The following AKAP8L variants were observed in gnomAD, a reference collection of about 807,000 sequenced individuals.
AKAP8L encodes the protein A-kinase anchor protein 8-like.
Under a neutral mutation model 77.5 loss-of-function variants are expected in AKAP8L, and 34 were observed. The observed-to-expected ratio is 0.44, with a 90% CI of 0.33 to 0.58. The LOEUF (loss-of-function observed/expected upper bound fraction) is 0.58. Among genes scored for constraint, AKAP8L ranks in the 20% least tolerant of loss-of-function variants. The probability of loss-of-function intolerance (pLI) is 0.02; values close to 1 mark genes in which losing one functional copy is unlikely to be tolerated. For missense variants in AKAP8L, 806 were observed against 887.6 expected (o/e 0.91, Z 1.17); for synonymous variants, 342 against 340.7 (o/e 1.00, Z -0.04).
At chr19:15,415,092 A>G (rs1003877368) in intron 1 of AKAP8L, among the ~76,000 whole-genome samples, 1 of 152,214 alleles carries the variant, frequency 6.6e-6, no homozygotes, top group Non-Finnish European at 1.5e-5. Flanking sequence ...GTTCTGCAGC[A>G]ACACTCCTTG....
At chr19:15,390,907 C>T (rs117482927) in intron 12 of AKAP8L, among the ~76,000 whole-genome samples, 1,780 of 152,258 alleles carry the variant, frequency 0.012, 19 homozygotes, top group Non-Finnish European at 0.016. Context: ...TAGAAGGGAA[C>T]GTCTTCAACT....
chr19:15,414,821 CAG>C (rs775778057), intron 1 of AKAP8L, among the ~76,000 whole-genome samples: 9 of 152,248 alleles, frequency 5.9e-5, no homozygotes, highest in East Asian at 1.9e-4. Context: ...TTATTAGAGA[CAG>C]GGGGTCTCAC....
In AKAP8L at chr19:15,401,057, G is replaced by C. The variant is rs370735649; in HGVS notation, c.817-14C>G. On this transcript the variant is annotated splice_polypyrimidine_tract_variant and intron_variant, in intron 5 of 13. Transcript: ENST00000397410. This position sits in a 1 kb window ranked among gnomAD's most constrained non-coding sequence, Gnocchi z 6.2. ...CTTCTTCTTGGTCTGGGTCATAAGG[G>C]GGGGAAGCCGTGTCAGGGTGCATGG... 5.5e-5 allele frequency: 88 copies of C among 1,611,288 alleles called. No individual in the cohort carries two copies. The highest frequency in any genetic ancestry group is 5.3e-4 in the East Asian group (24 of 44,864).
chr19:15,390,472 A>G (rs1385174634), intron 12 of AKAP8L, among the ~76,000 whole-genome samples: 1 of 151,950 alleles, frequency 6.6e-6, no homozygotes, highest in African/African-American at 2.4e-5. Context: ...AGATGGCTTC[A>G]TAAGCAAATT....
At position 15,397,922 on chromosome 19, in the gene AKAP8L, C is replaced by T; in HGVS notation, c.1158-67G>A. ...CCAGGGGATAGTGCTGCCGCCTCAC[C>T]CAACCCAGACACAAGCCCTGAAACA... On this transcript the variant is annotated intron_variant, in intron 9 of 13. Transcript: ENST00000397410. The surrounding 1 kb of genome is among the most constrained non-coding windows in gnomAD (Gnocchi z 4.7). The T allele has an allele frequency of 6.4e-7, 1 of 1,561,774 alleles. No homozygotes were observed. Among genetic ancestry groups the T allele is most frequent in the Admixed American group, 1.9e-5 (1 of 52,798 alleles).
chr19:15,415,968 C>G (rs1329175476), intron 1 of AKAP8L, among the ~76,000 whole-genome samples: 1 of 151,804 alleles, frequency 6.6e-6, no homozygotes, highest in Non-Finnish European at 1.5e-5. Context: ...CTCACTGCAG[C>G]CTCAACCTCG....
chr19:15,380,812 C>T, intron 12 of AKAP8L, 200 bp from the exon 13 acceptor site: 1 of 596,066 alleles, frequency 1.7e-6, no homozygotes. Flanking sequence ...CCACACCACA[C>T]TTACTGTAGG....
intron 12 of AKAP8L, 66 bp from the exon 13 acceptor site, chr19:15,380,678 C>T (rs1319134326): frequency 1.3e-6 from 2 of 1,530,882 alleles, no homozygotes; most frequent in African/African-American, 2.7e-5. Context: ...TGCCCCGACC[C>T]TGCCAGCTTA....
At chr19:15,411,995 G>C (rs1968114097) in intron 1 of AKAP8L, among the ~76,000 whole-genome samples, 1 of 152,296 alleles carries the variant, frequency 6.6e-6, no homozygotes, top group East Asian at 1.9e-4. Context: ...GGATCACGAG[G>C]TTAGGAGTTC....
intron 12 of AKAP8L, among the ~76,000 whole-genome samples, chr19:15,391,580 C>G (rs1261276806): frequency 1.9e-5 from 1 of 53,258 alleles, no homozygotes; most frequent in African/African-American, 8.9e-5. Context: ...CGCTGTGTCT[C>G]CCAGGCACAG....
intron 1 of AKAP8L, among the ~76,000 whole-genome samples, chr19:15,416,701 G>A (rs151335171): frequency 1.3e-5 from 2 of 152,202 alleles, no homozygotes; most frequent in African/African-American, 2.4e-5. Context: ...TAGCATTTCA[G>A]ACCTTTGTTT....
In AKAP8L at chr19:15,397,605, G is replaced by A. The variant is rs1028832101; in HGVS notation, c.1320C>T (p.Thr440=). 1.1e-5 allele frequency: 18 copies of A among 1,613,766 alleles called. No individual in the cohort carries two copies. Among genetic ancestry groups the A allele is most frequent in the Non-Finnish European group, 1.4e-5 (16 of 1,179,880 alleles). The change falls in exon 11 of 14, where the codon ACC becomes ACT. Residue 440 remains threonine (T), a synonymous_variant. Coordinates refer to ENST00000397410, the MANE Select transcript of AKAP8L (RefSeq NM_014371.4). The surrounding 1 kb of genome is among the most constrained non-coding windows in gnomAD (Gnocchi z 4.7). ...TTTTTCGGAGCTCCTCTGTCTTCTT[G>A]GTCTTGTTAGTGACGTACTCCTGCA... ...DFLQEYVTNK[T]KKTEELRKTV...
At position 15,401,370 on chromosome 19, in the gene AKAP8L, C is replaced by T. The variant is rs1223522757; in HGVS notation, c.596G>A (p.Arg199His). The T allele has an allele frequency of 3.1e-6, 5 of 1,613,108 alleles. No individual in the cohort carries two copies. Among genetic ancestry groups the T allele is most frequent in the East Asian group, 2.2e-5 (1 of 44,882 alleles). The change falls in exon 5 of 14, where the codon CGC becomes CAC. Residue 199 changes from arginine (R) to histidine (H), a missense_variant. Coordinates refer to ENST00000397410, the MANE Select transcript of AKAP8L (RefSeq NM_014371.4). The surrounding 1 kb of genome is among the most constrained non-coding windows in gnomAD (Gnocchi z 6.2). ...SGRPMASGYG[R>H]MWEDPMGARG... ...GGCCCCCATGGGGTCTTCCCACATG[C>T]GCCCATAGCCTGAGGCCATTGGCCG...
At position 15,397,003 on chromosome 19, in the gene AKAP8L, T is replaced by C; in HGVS notation, c.1536+147A>G. ...CCCCTCTCTCTGTAGCTGTGCTGCC[T>C]GCACTGAGCTGGAAATGTCCATATC... On this transcript the variant is annotated intron_variant, in intron 12 of 13. Coordinates refer to ENST00000397410, the MANE Select transcript of AKAP8L (RefSeq NM_014371.4). This position sits in a 1 kb window ranked among gnomAD's most constrained non-coding sequence, Gnocchi z 4.7. 2.7e-6 allele frequency: 3 copies of C among 1,116,570 alleles called. No individual in the cohort carries two copies. Among genetic ancestry groups the C allele is most frequent in the Non-Finnish European group, 3.9e-6 (3 of 769,764 alleles). The allele number at this position is 1,116,570 out of a possible 1,614,324, so 69.2% of individuals were successfully genotyped here.
chr19:15,405,514 G>A (rs938772722), intron 2 of AKAP8L, among the ~76,000 whole-genome samples: 1 of 151,662 alleles, frequency 6.6e-6, no homozygotes, highest in African/African-American at 2.4e-5. Context: ...TGGGCGACAC[G>A]GTGAAACTCC....
At chr19:15,380,672 C>G in intron 12 of AKAP8L, 60 bp from the exon 13 acceptor site, 2 of 1,549,460 alleles carry the variant, frequency 1.3e-6, no homozygotes, top group Admixed American at 1.7e-5. Context: ...AGTTGCTGCC[C>G]CGACCCTGCC....
At chr19:15,389,658 C>T (rs7255620) in intron 12 of AKAP8L, among the ~76,000 whole-genome samples, 119,523 of 152,098 alleles carry the variant, frequency 0.79, 47,181 homozygotes, top group East Asian at 0.99. Context: ...GTAATCCCAG[C>T]TACTCAGAAG....
At chr19:15,410,158 G>C (rs1434509023) in intron 2 of AKAP8L, among the ~76,000 whole-genome samples, 1 of 152,104 alleles carries the variant, frequency 6.6e-6, no homozygotes, top group Non-Finnish European at 1.5e-5. Context: ...GGCCAGGATG[G>C]TCTCGATCTC....
chr19:15,403,974 A>T lies in AKAP8L; in HGVS notation c.121+36T>A, dbSNP rs760061337. ...AGAGAAACACAGCCAGGACAACCCC[A>T]AGGGACAGGACAGCAATCACAGGAA... On this transcript the variant is annotated intron_variant, in intron 3 of 13. Coordinates refer to ENST00000397410, the MANE Select transcript of AKAP8L (RefSeq NM_014371.4). This position sits in a 1 kb window ranked among gnomAD's most constrained non-coding sequence, Gnocchi z 4.3. 2 of 1,612,510 alleles carry T rather than the reference A, an allele frequency of 1.2e-6. No homozygotes were observed. The highest frequency in any genetic ancestry group is 2.2e-5 in the South Asian group (2 of 90,976).
Sources: allele counts gnomAD v4.1 joint callset (sites outside exome capture counted in the v4.1 genomes callset), GRCh38; gene constraint gnomAD v4.1.1; non-coding constraint Gnocchi (gnomAD v3.1); transcripts MANE v1.5; gene names NCBI Gene and HGNC (gene_info 2026-07-23, HGNC 2026-07-21).